The following PDE11A variants were observed in gnomAD, a reference collection of about 807,000 sequenced individuals.
PDE11A encodes the protein phosphodiesterase 11A.
A neutral mutation model predicts 100.5 loss-of-function variants in PDE11A; 100 were observed. That is an observed-to-expected ratio of 1.00 (90% CI 0.85 to 1.18). PDE11A has a LOEUF of 1.18. Ranked by LOEUF, PDE11A falls within the 50% of genes most tolerant of loss-of-function variation. The probability of loss-of-function intolerance (pLI) is 0.00; values close to 1 mark genes in which losing one functional copy is unlikely to be tolerated. For synonymous variants in PDE11A, 381 were observed against 420.8 expected (o/e 0.91, Z 1.16); for missense variants, 1,141 against 1,152.6 (o/e 0.99, Z 0.15).
intron 1 of PDE11A, chr2:178,104,509 A>AAATCT: frequency 6.4e-7 from 1 of 1,556,714 alleles, no homozygotes; most frequent in Non-Finnish European, 8.9e-7. Context: ...CAAACCAAAA[A>AAATCT]AATATATATA....
At chr2:177,658,579 T>C (rs1279286013) in intron 19 of PDE11A, among the ~76,000 whole-genome samples, 1 of 152,040 alleles carries the variant, frequency 6.6e-6, no homozygotes, top group Non-Finnish European at 1.5e-5. Flanking sequence ...TTTTGAGTTA[T>C]GTATGATGCC....
At chr2:177,763,320 G>C (rs2082194967) in intron 10 of PDE11A, among the ~76,000 whole-genome samples, 1 of 152,200 alleles carries the variant, frequency 6.6e-6, no homozygotes, top group South Asian at 2.1e-4. Flanking sequence ...GGGCACAGAA[G>C]AGGAGACAGC....
intron 4 of PDE11A, among the ~76,000 whole-genome samples, chr2:177,891,656 G>A (rs1055929700): frequency 3.3e-5 from 5 of 152,100 alleles, no homozygotes; most frequent in Admixed American, 3.3e-4. Flanking sequence ...GTTATAAGAC[G>A]GCAAAGGATT....
At chr2:178,105,499 T>C (rs2087607681) in intron 1 of PDE11A, 2 of 228,986 alleles carry the variant, frequency 8.7e-6, no homozygotes, top group Non-Finnish European at 1.7e-5. Flanking sequence ...TGTATGATGG[T>C]AGACATATAA....
intron 1 of PDE11A, among the ~76,000 whole-genome samples, chr2:178,048,152 G>A (rs949348109): frequency 2.6e-5 from 4 of 152,174 alleles, no homozygotes; most frequent in African/African-American, 4.8e-5. Context: ...CAGAGTTGTG[G>A]TAGTAGAGTT....
chr2:177,812,928 C>G (rs1193850245), intron 9 of PDE11A, among the ~76,000 whole-genome samples: 1 of 84,774 alleles, frequency 1.2e-5, no homozygotes, highest in Non-Finnish European at 2.3e-5. Flanking sequence ...GAATTTGTAT[C>G]CAACACTGGC....
chr2:177,923,424 C>T (rs1352009473), intron 2 of PDE11A, among the ~76,000 whole-genome samples: 1 of 152,070 alleles, frequency 6.6e-6, no homozygotes, highest in Non-Finnish European at 1.5e-5. Context: ...GTAGGGCTAG[C>T]TTCAGTAAGT....
intron 1 of PDE11A, among the ~76,000 whole-genome samples, chr2:178,106,757 C>T (rs1483691569): frequency 3.3e-5 from 5 of 151,824 alleles, no homozygotes; most frequent in African/African-American, 4.8e-5. Context: ...GTCAGGAGTT[C>T]GAGACCAGCC....
At chr2:177,838,466 T>A (rs1419607274) in intron 6 of PDE11A, among the ~76,000 whole-genome samples, 3 of 152,220 alleles carry the variant, frequency 2.0e-5, no homozygotes, top group East Asian at 3.8e-4. Flanking sequence ...GCTGTAATAC[T>A]TTTTAGTATT....
chr2:177,889,849 A>C (rs1165407834), intron 4 of PDE11A, among the ~76,000 whole-genome samples: 3 of 151,688 alleles, frequency 2.0e-5, no homozygotes, highest in Admixed American at 6.6e-5. Flanking sequence ...ATCTCATTTC[A>C]TGGAAAACTT....
chr2:177,760,336 C>T (rs1306486317), intron 10 of PDE11A, among the ~76,000 whole-genome samples: 1 of 152,098 alleles, frequency 6.6e-6, no homozygotes, highest in Non-Finnish European at 1.5e-5. Context: ...GATTGAGACT[C>T]TTGTTTTACC....
chr2:178,092,558 T>C (rs2087436752), intron 2 of PDE11A: 1 of 152,174 alleles, frequency 6.6e-6, no homozygotes, highest in South Asian at 2.1e-4. Context: ...ACTCTTCTTT[T>C]TAAGACCAGA....
At chr2:177,776,550 A>G (rs2082380635) in intron 9 of PDE11A, among the ~76,000 whole-genome samples, 1 of 152,124 alleles carries the variant, frequency 6.6e-6, no homozygotes, top group Admixed American at 6.5e-5. Flanking sequence ...AATCCCCACC[A>G]ATTCATTTAT....
At chr2:178,086,483 C>T (rs2105881414) in intron 2 of PDE11A, among the ~76,000 whole-genome samples, 1 of 152,242 alleles carries the variant, frequency 6.6e-6, no homozygotes, top group Admixed American at 6.5e-5. Context: ...TAACAGACCA[C>T]ATTCTTATCT....
intron 1 of PDE11A, among the ~76,000 whole-genome samples, chr2:178,053,018 G>T (rs1428613622): frequency 6.6e-6 from 1 of 152,128 alleles, no homozygotes; most frequent in African/African-American, 2.4e-5. Flanking sequence ...ATTTTATGAG[G>T]CCAGCATCTT....
In PDE11A at chr2:177,631,550, CATGTATATATATATATAT is replaced by C. The variant is rs1559117423; in HGVS notation, c.2647-2006_2647-1989del. Among the ~76,000 whole-genome samples the C allele has an allele frequency of 1.4e-3, 12 of 8,298 alleles. No homozygotes were observed. The South Asian group carries it at 0.039, about 27-fold the overall frequency. The allele number at this position is 8,298 out of a possible 152,430, so 5.4% of individuals were successfully genotyped here. A position where few individuals can be genotyped will look rare whatever the true frequency, so the allele number is the denominator to read the frequency against. On this transcript the variant is annotated intron_variant, in intron 19 of 19. Coordinates refer to ENST00000286063, the MANE Select transcript of PDE11A (RefSeq NM_016953.4). The stretch of plus-strand genomic sequence containing the variant: ...ATATATATATATATATATATATACA[CATGTATATATATATATAT>C]ACATGTATATATATATACACACACA...
At chr2:177,939,521 GAGGGAGGGAGGAAGGAAGGA>G (rs1279284826) in intron 2 of PDE11A, among the ~76,000 whole-genome samples, 1 of 94,570 alleles carries the variant, frequency 1.1e-5, no homozygotes, top group Non-Finnish European at 2.2e-5. Context: ...GGAGGGAAGG[GAGGGAGGGAGGAAGGAAGGA>G]AGGAAGGAAG....
intron 9 of PDE11A, among the ~76,000 whole-genome samples, chr2:177,815,816 GTAT>G (rs1303094354): frequency 6.6e-6 from 1 of 152,156 alleles, no homozygotes; most frequent in Non-Finnish European, 1.5e-5. Context: ...GATTTCATGT[GTAT>G]TATATCATAC....
chr2:177,930,430 C>CA lies in PDE11A; in HGVS notation c.1072-25244dup, dbSNP rs1227971877. On this transcript the variant is annotated intron_variant, in intron 2 of 19. Coordinates refer to ENST00000286063, the MANE Select transcript of PDE11A (RefSeq NM_016953.4). ...GAGCTTAATACAGATTAGAATAGACCAAAAAAAAAAAAGTCTTGGCATGAT... is the reference window on the plus strand; with the variant it reads ...GAGCTTAATACAGATTAGAATAGACCAAAAAAAAAAAAAGTCTTGGCATGAT... 2.0e-3 allele frequency among the ~76,000 whole-genome samples: 275 copies of CA among 139,424 alleles called. 1 individual carries two copies. The highest frequency in any genetic ancestry group is 6.0e-3 in the South Asian group (26 of 4,368). The allele number at this position is 139,424 out of a possible 152,430, so 91.5% of individuals were successfully genotyped here.
Sources: gnomAD v4.1 joint callset for allele counts (sites outside exome capture counted in the v4.1 genomes callset) on GRCh38, gnomAD v4.1.1 for gene constraint, MANE v1.5 for transcripts, NCBI Gene and HGNC (gene_info 2026-07-23, HGNC 2026-07-21) for gene names.